The following KAZN variants were observed in gnomAD, a reference collection of about 807,000 sequenced individuals.
KAZN encodes the protein kazrin.
A neutral mutation model predicts 87.4 loss-of-function variants in KAZN; 40 were observed. That is an observed-to-expected ratio of 0.46 (90% CI 0.36 to 0.60). The LOEUF is 0.60. Among genes scored for constraint, KAZN ranks in the 20% least tolerant of loss-of-function variants. The pLI, the probability that KAZN is intolerant of heterozygous loss-of-function variation, is 0.00. For synonymous variants in KAZN, 466 were observed against 458.3 expected (o/e 1.02, Z -0.22); for missense variants, 898 against 1,073.9 (o/e 0.84, Z 2.29).
At chr1:13,908,715 G>T (rs1397200657) in intron 1 of KAZN, among the ~76,000 whole-genome samples, 2 of 152,188 alleles carry the variant, frequency 1.3e-5, no homozygotes, top group Non-Finnish European at 2.9e-5. Flanking sequence ...CTAAAGCATG[G>T]TGGGGCCTGT....
At position 14,307,136 on chromosome 1, in the gene KAZN, A is replaced by G. The variant is rs145390596; in HGVS notation, c.249+126544A>G. On this transcript the variant is annotated intron_variant, in intron 2 of 16. Transcript: ENST00000636203. ...TGACCCTTCGTGGTCCCACAAGTTC[A>G]TATGCCACTGCCTCCTCGTGAAGTC... Among the ~76,000 whole-genome samples the G allele has an allele frequency of 2.0e-5, 3 of 152,304 alleles. No individual in the cohort carries two copies. In the East Asian group the frequency reaches 5.8e-4, roughly 29 times the overall value.
intron 1 of KAZN, among the ~76,000 whole-genome samples, chr1:13,897,194 G>A (rs2100827802): frequency 6.6e-6 from 1 of 152,358 alleles, no homozygotes; most frequent in Non-Finnish European, 1.5e-5. Flanking sequence ...TTGTGCTACA[G>A]TGGCAGAGTC....
chr1:14,994,353 G>A (rs1163332280), intron 2 of KAZN, among the ~76,000 whole-genome samples: 1 of 152,212 alleles, frequency 6.6e-6, no homozygotes, highest in Non-Finnish European at 1.5e-5. Context: ...GCCCCTCATT[G>A]CGCCATACAT....
chr1:14,809,844 T>A (rs1646349868), intron 1 of KAZN, among the ~76,000 whole-genome samples: 1 of 152,176 alleles, frequency 6.6e-6, no homozygotes, highest in Admixed American at 6.5e-5. Context: ...CTGGTGGGTC[T>A]ATAAGCCAGG....
At chr1:14,273,293 G>C (rs1034449807) in intron 2 of KAZN, among the ~76,000 whole-genome samples, 1 of 151,994 alleles carries the variant, frequency 6.6e-6, no homozygotes, top group Admixed American at 6.6e-5. Flanking sequence ...TCAAGCAGGA[G>C]AGAAATACAG....
At chr1:13,949,580 C>T (rs969494231) in intron 1 of KAZN, among the ~76,000 whole-genome samples, 2 of 152,086 alleles carry the variant, frequency 1.3e-5, no homozygotes, top group African/African-American at 2.4e-5. Context: ...TCCATAATGG[C>T]GATCATAACA....
At chr1:15,010,558 T>C (rs967099329) in intron 2 of KAZN, among the ~76,000 whole-genome samples, 14 of 152,134 alleles carry the variant, frequency 9.2e-5, no homozygotes, top group African/African-American at 3.4e-4. Flanking sequence ...GCCCAGCTAA[T>C]TTTTTTGTAT....
chr1:15,035,769 G>A (rs1442487518), intron 3 of KAZN, among the ~76,000 whole-genome samples: 1 of 152,174 alleles, frequency 6.6e-6, no homozygotes, highest in African/African-American at 2.4e-5. Flanking sequence ...AACCCAGGAG[G>A]TGGAGGTTGC....
At chr1:14,626,250 T>C (rs1277041262) in intron 1 of KAZN, among the ~76,000 whole-genome samples, 13 of 152,236 alleles carry the variant, frequency 8.5e-5, no homozygotes. Flanking sequence ...GACACTGTTA[T>C]TGAAATTCAT....
chr1:14,630,827 C>G (rs1679507655), intron 1 of KAZN, among the ~76,000 whole-genome samples: 1 of 152,118 alleles, frequency 6.6e-6, no homozygotes, highest in African/African-American at 2.4e-5. Flanking sequence ...GACACGTAAC[C>G]TCTCTGAAGC....
intron 2 of KAZN, among the ~76,000 whole-genome samples, chr1:14,405,387 T>C (rs1234720341): frequency 6.6e-6 from 1 of 152,152 alleles, no homozygotes; most frequent in Non-Finnish European, 1.5e-5. Context: ...AGCCTGTACA[T>C]TGATTATAAA....
At chr1:14,131,040 C>T (rs61551819) in intron 1 of KAZN, among the ~76,000 whole-genome samples, 2,912 of 152,134 alleles carry the variant, frequency 0.019, 109 homozygotes, top group African/African-American at 0.067. Context: ...TCTAGGGAGG[C>T]CTCAGGAAAC....
chr1:14,169,499 G>A (rs1042097887), intron 1 of KAZN, among the ~76,000 whole-genome samples: 1 of 152,188 alleles, frequency 6.6e-6, no homozygotes. Context: ...ATCAACTGGA[G>A]TGGAGTGAAG....
At chr1:14,983,520 G>T (rs956099200) in intron 2 of KAZN, among the ~76,000 whole-genome samples, 8 of 72,854 alleles carry the variant, frequency 1.1e-4, no homozygotes, top group African/African-American at 4.2e-4. Flanking sequence ...TGACCCCTGT[G>T]GGGGGAGCAA....
At chr1:14,436,761 A>G (rs1405507537) in intron 2 of KAZN, among the ~76,000 whole-genome samples, 1 of 149,964 alleles carries the variant, frequency 6.7e-6, no homozygotes, top group Non-Finnish European at 1.5e-5. Context: ...CCTGAGAGGT[A>G]GTTACTAGTA....
chr1:15,085,488 C>G (rs1640208397), intron 8 of KAZN, among the ~76,000 whole-genome samples: 1 of 152,166 alleles, frequency 6.6e-6, no homozygotes, highest in South Asian at 2.1e-4. Context: ...CCACCACGCC[C>G]AGCTAATTTT....
intron 2 of KAZN, among the ~76,000 whole-genome samples, chr1:14,385,248 C>T (rs537602752): frequency 6.6e-6 from 1 of 152,008 alleles, no homozygotes; most frequent in South Asian, 2.1e-4. Context: ...TTTTGTTGAT[C>T]CTTTCAAAAA....
chr1:14,648,964 G>C (rs1301559012), intron 1 of KAZN, among the ~76,000 whole-genome samples: 5 of 152,172 alleles, frequency 3.3e-5, no homozygotes, highest in African/African-American at 9.7e-5. Flanking sequence ...TAAGCTGGCA[G>C]CAAAGGAATT....
At chr1:14,777,742 T>C (rs1645222528) in intron 1 of KAZN, among the ~76,000 whole-genome samples, 1 of 152,204 alleles carries the variant, frequency 6.6e-6, no homozygotes, top group Non-Finnish European at 1.5e-5. Context: ...ATACATATTG[T>C]TACTTTTTGA....
Sources: allele counts gnomAD v4.1 joint callset (sites outside exome capture counted in the v4.1 genomes callset), GRCh38; gene constraint gnomAD v4.1.1; transcripts MANE v1.5; gene names NCBI Gene and HGNC (gene_info 2026-07-23, HGNC 2026-07-21).